The following GAB2 variants were observed in gnomAD, a reference collection of about 807,000 sequenced individuals.
The protein encoded by GAB2 is GRB2 associated binding protein 2, also known as GRB2-associated-binding protein 2.
A neutral mutation model predicts 65.5 loss-of-function variants in GAB2; 26 were observed. That is an observed-to-expected ratio of 0.40 (90% confidence interval 0.29 to 0.55). GAB2 has a LOEUF of 0.55. Among genes scored for constraint, GAB2 ranks in the 20% least tolerant of loss-of-function variants. GAB2 has a pLI of 0.53. For synonymous variants in GAB2, 321 were observed against 329.6 expected (o/e 0.97, Z 0.28); for missense variants, 884 against 875.8 (o/e 1.01, Z -0.12).
At chr11:78,351,246 C>T (rs1250830204) in intron 1 of GAB2, among the ~76,000 whole-genome samples, 1 of 152,064 alleles carries the variant, frequency 6.6e-6, no homozygotes, top group African/African-American at 2.4e-5. Flanking sequence ...CATCATTTAC[C>T]CAGTGGCCTT....
At chr11:78,382,875 T>G (rs989573938) in intron 1 of GAB2, among the ~76,000 whole-genome samples, 8 of 152,242 alleles carry the variant, frequency 5.3e-5, no homozygotes, top group African/African-American at 1.7e-4. Context: ...CTAGAGATTA[T>G]GAGCCATGAT....
At chr11:78,397,293 A>T (rs1005269194) in intron 1 of GAB2, among the ~76,000 whole-genome samples, 3 of 152,234 alleles carry the variant, frequency 2.0e-5, no homozygotes, top group Non-Finnish European at 4.4e-5. Flanking sequence ...TTTGTTCAAA[A>T]CTTAAAAGCA....
intron 1 of GAB2, among the ~76,000 whole-genome samples, chr11:78,344,157 T>A (rs1370722712): frequency 2.6e-5 from 4 of 152,128 alleles, no homozygotes; most frequent in African/African-American, 9.7e-5. Context: ...TTTTAAGAAG[T>A]AGGATGACAT....
chr11:78,417,704 T>TGGC lies in GAB2; in HGVS notation c.16_17insGCC (p.Asp6delinsGlyHis), dbSNP rs1555003223. 7 of 1,344,536 alleles carry TGGC rather than the reference T, an allele frequency of 5.2e-6. No homozygotes were observed. The highest frequency in any genetic ancestry group is 6.8e-6 in the Non-Finnish European group (7 of 1,022,132). 83.3% of individuals were successfully genotyped at this position (1,344,536 alleles called of 1,614,324 possible). ...CCTCAGCCAGCCGGTGCACACCACG[T>TGGC]CGCCGCCGCCGCTCATGCTGCCGGC... On this transcript the variant is annotated protein_altering_variant, in exon 1 of 10. Coordinates refer to ENST00000361507, the MANE Select transcript of GAB2 (RefSeq NM_080491.3).
chr11:78,310,445 G>C (rs1855474605), intron 1 of GAB2, among the ~76,000 whole-genome samples: 1 of 150,472 alleles, frequency 6.6e-6, no homozygotes, highest in Non-Finnish European at 1.5e-5. Context: ...CCTGGGAGGC[G>C]GAGCTTGCAG....
intron 1 of GAB2, among the ~76,000 whole-genome samples, chr11:78,324,978 G>A (rs1591039574): frequency 6.6e-6 from 1 of 152,300 alleles, no homozygotes; most frequent in Non-Finnish European, 1.5e-5. Flanking sequence ...ACTTCGCAAT[G>A]GTAGTCTGAA....
intron 3 of GAB2, among the ~76,000 whole-genome samples, chr11:78,238,864 C>T (rs1282877031): frequency 1.3e-5 from 2 of 152,084 alleles, no homozygotes; most frequent in Non-Finnish European, 2.9e-5. Context: ...GAAACATTTG[C>T]AAGTCATGTA....
chr11:78,415,451 A>C (rs954920996), intron 1 of GAB2, among the ~76,000 whole-genome samples: 6 of 152,186 alleles, frequency 3.9e-5, no homozygotes, highest in Admixed American at 2.0e-4. Context: ...GGATGCAAAA[A>C]TTCTGAATAC....
chr11:78,380,134 T>G (rs1856679319), intron 1 of GAB2, among the ~76,000 whole-genome samples: 1 of 152,218 alleles, frequency 6.6e-6, no homozygotes, highest in Non-Finnish European at 1.5e-5. Flanking sequence ...CGCATAAGTC[T>G]ACAAGCACTC....
intron 2 of GAB2, among the ~76,000 whole-genome samples, chr11:78,255,171 C>T (rs868683421): frequency 6.6e-6 from 1 of 152,018 alleles, no homozygotes; most frequent in African/African-American, 2.4e-5. Flanking sequence ...AGGTAGAGAT[C>T]GAAATGATGT....
intron 1 of GAB2, among the ~76,000 whole-genome samples, chr11:78,390,732 AC>A (rs1856824102): frequency 6.6e-6 from 1 of 152,240 alleles, no homozygotes; most frequent in Non-Finnish European, 1.5e-5. Context: ...ATAAGTCTCA[AC>A]AGGTGACTCA....
chr11:78,364,023 C>T (rs1856467613), intron 1 of GAB2: 1 of 151,972 alleles, frequency 6.6e-6, no homozygotes, highest in African/African-American at 2.4e-5. Context: ...TACTGTATGC[C>T]AGAATCAGGT....
At chr11:78,375,268 T>C (rs1358291743) in intron 1 of GAB2, among the ~76,000 whole-genome samples, 1 of 152,240 alleles carries the variant, frequency 6.6e-6, no homozygotes, top group Non-Finnish European at 1.5e-5. Context: ...GTCTATCTTG[T>C]GAGATTTTTT....
At chr11:78,368,063 G>T (rs1280790488) in intron 1 of GAB2, among the ~76,000 whole-genome samples, 1 of 152,002 alleles carries the variant, frequency 6.6e-6, no homozygotes, top group African/African-American at 2.4e-5. Context: ...TGATCCGCCC[G>T]CCTCGGCCTC....
chr11:78,219,765 G>T (rs966095648), intron 9 of GAB2, among the ~76,000 whole-genome samples: 1 of 152,180 alleles, frequency 6.6e-6, no homozygotes, highest in African/African-American at 2.4e-5. Context: ...GAAGGAATTT[G>T]CTAGGTGCAA....
At chr11:78,249,028 G>C (rs1314247003) in intron 3 of GAB2, among the ~76,000 whole-genome samples, 1 of 152,166 alleles carries the variant, frequency 6.6e-6, no homozygotes, top group African/African-American at 2.4e-5. Context: ...ATGAAAATGG[G>C]TATCTGAGGC....
intron 1 of GAB2, among the ~76,000 whole-genome samples, chr11:78,379,619 C>A (rs1856672912): frequency 6.6e-6 from 1 of 152,190 alleles, no homozygotes; most frequent in Non-Finnish European, 1.5e-5. Context: ...AAATTCAGTT[C>A]TATTTTAACA....
At chr11:78,377,172 GTC>G (rs1480868647) in intron 1 of GAB2, among the ~76,000 whole-genome samples, 2 of 152,180 alleles carry the variant, frequency 1.3e-5, no homozygotes. Flanking sequence ...AAATTATCCA[GTC>G]TCAGGTATTT....
intron 3 of GAB2, among the ~76,000 whole-genome samples, chr11:78,233,040 G>GTTTTTTTTTTT (rs372693456): frequency 0.01 from 1,350 of 131,692 alleles, 78 homozygotes; most frequent in African/African-American, 0.038. Context: ...GCACTGTTAA[G>GTTTTTTTTTTT]TTTTTTTTTT....
Sources: gnomAD v4.1 joint callset for allele counts (sites outside exome capture counted in the v4.1 genomes callset) on GRCh38, gnomAD v4.1.1 for gene constraint, MANE v1.5 for transcripts, NCBI Gene and HGNC (gene_info 2026-07-23, HGNC 2026-07-21) for gene names.